Variants in PIK3C2G observed in about 807,000 individuals in gnomAD.
PIK3C2G encodes the protein phosphatidylinositol-4-phosphate 3-kinase catalytic subunit type 2 gamma, also known as phosphatidylinositol 3-kinase C2 domain-containing subunit gamma.
A neutral mutation model predicts 181.1 loss-of-function variants in PIK3C2G; 168 were observed. The observed-to-expected ratio is 0.93, with a 90% CI of 0.82 to 1.05. PIK3C2G has a LOEUF of 1.05. PIK3C2G is among the 50% of genes least tolerant of loss of function. PIK3C2G has a pLI of 0.00. For synonymous variants in PIK3C2G, 573 were observed against 592.2 expected (o/e 0.97, Z 0.47); for missense variants, 1,869 against 1,732.8 (o/e 1.08, Z -1.40).
intron 8 of PIK3C2G, 55 bp downstream of exon 8, chr12:18,325,153 A>G (rs978329825): frequency 6.1e-6 from 6 of 986,116 alleles, no homozygotes; most frequent in Non-Finnish European, 9.3e-6. Flanking sequence ...TAACGCATCT[A>G]CTATTTTTCT....
intron 23 of PIK3C2G, among the ~76,000 whole-genome samples, chr12:18,503,938 G>T (rs939681917): frequency 1.4e-4 from 22 of 152,150 alleles, no homozygotes; most frequent in Admixed American, 7.9e-4. Context: ...CAGTTGTGCA[G>T]GTTCTGCCCT....
intron 18 of PIK3C2G, among the ~76,000 whole-genome samples, chr12:18,459,777 C>T (rs1023538320): frequency 6.6e-6 from 1 of 152,104 alleles, no homozygotes; most frequent in African/African-American, 2.4e-5. Flanking sequence ...CCCTCTGAAA[C>T]TAAGACTAGA....
chr12:18,620,521 G>GACAA (rs1207519253), intron 31 of PIK3C2G, among the ~76,000 whole-genome samples: 10 of 138,052 alleles, frequency 7.2e-5, no homozygotes, highest in Non-Finnish European at 1.6e-4. Context: ...TAAATGATTA[G>GACAA]ACAGACAGAT....
chr12:18,678,498 A>G, the PIK3C2G span, among the ~76,000 whole-genome samples: 1 of 151,974 alleles, frequency 6.6e-6, no homozygotes, highest in African/African-American at 2.4e-5. Context: ...GGCTCCTTTT[A>G]ATCCATCCCT....
intron 1 of PIK3C2G, among the ~76,000 whole-genome samples, 165 bp downstream of exon 1, chr12:18,261,742 T>C (rs1457710527): frequency 2.6e-5 from 4 of 152,174 alleles, no homozygotes; most frequent in Non-Finnish European, 5.9e-5. Context: ...GAAACAGAGA[T>C]ATCCAGCTTG....
intron 9 of PIK3C2G, among the ~76,000 whole-genome samples, chr12:18,340,252 A>T (rs1444559021): frequency 6.6e-6 from 1 of 152,142 alleles, no homozygotes; most frequent in Non-Finnish European, 1.5e-5. Flanking sequence ...GGCCACACAT[A>T]AAATACACTA....
chr12:18,418,174 G>A (rs1218262581), intron 16 of PIK3C2G, among the ~76,000 whole-genome samples: 1 of 152,148 alleles, frequency 6.6e-6, no homozygotes, highest in African/African-American at 2.4e-5. Context: ...TATGTAAAAA[G>A]ATAAATTCTA....
chr12:18,656,470 G>A, the PIK3C2G span, among the ~76,000 whole-genome samples: 16 of 152,118 alleles, frequency 1.1e-4, no homozygotes, highest in Admixed American at 8.5e-4. Flanking sequence ...GAAGGCTGAG[G>A]CAGAGAATTG....
At chr12:18,490,484 C>CT (rs1205038765) in intron 19 of PIK3C2G, among the ~76,000 whole-genome samples, 2 of 152,090 alleles carry the variant, frequency 1.3e-5, no homozygotes, top group African/African-American at 4.8e-5. Flanking sequence ...TACTCTAACA[C>CT]TTTTTTTGTA....
chr12:18,266,024 A>AAAAAC, intron 1 of PIK3C2G, among the ~76,000 whole-genome samples: 1 of 150,664 alleles, frequency 6.6e-6, no homozygotes, highest in Admixed American at 6.6e-5. Context: ...AAAAAAAAAA[A>AAAAAC]AAAAAAAAAA....
chr12:18,337,304 A>C (rs1938626752), intron 8 of PIK3C2G, among the ~76,000 whole-genome samples: 1 of 152,152 alleles, frequency 6.6e-6, no homozygotes, highest in African/African-American at 2.4e-5. Flanking sequence ...GAACATGTGT[A>C]AATCTGAGAT....
chr12:18,721,514 C>T, the PIK3C2G span, among the ~76,000 whole-genome samples: 1 of 151,962 alleles, frequency 6.6e-6, no homozygotes, highest in African/African-American at 2.4e-5. Flanking sequence ...GTCACTGCCT[C>T]CATCCCAACA....
intron 1 of PIK3C2G, among the ~76,000 whole-genome samples, chr12:18,256,368 T>C (rs1948146272): frequency 6.6e-6 from 1 of 152,134 alleles, no homozygotes; most frequent in Non-Finnish European, 1.5e-5. Context: ...GCACGCAGAC[T>C]ATCTTCTTTT....
At chr12:18,576,400 A>G (rs1946234611) in intron 29 of PIK3C2G, among the ~76,000 whole-genome samples, 1 of 152,192 alleles carries the variant, frequency 6.6e-6, no homozygotes, top group African/African-American at 2.4e-5. Context: ...TGTGCCCTCC[A>G]GAAAGATCAC....
chr12:18,480,004 A>C (rs1192795918), intron 18 of PIK3C2G, among the ~76,000 whole-genome samples: 1 of 152,140 alleles, frequency 6.6e-6, no homozygotes, highest in African/African-American at 2.4e-5. Flanking sequence ...GACAAGGACT[A>C]TTTGGAAGCC....
intron 6 of PIK3C2G, among the ~76,000 whole-genome samples, chr12:18,318,117 C>T (rs1270603148): frequency 6.6e-6 from 1 of 152,074 alleles, no homozygotes; most frequent in Non-Finnish European, 1.5e-5. Flanking sequence ...TGTGTTATGT[C>T]AAAACAGTAT....
chr12:18,325,198 ATAAAACAGAG>A, intron 8 of PIK3C2G, 100 bp downstream of exon 8: 1 of 611,516 alleles, frequency 1.6e-6, no homozygotes, highest in Non-Finnish European at 2.9e-6. Flanking sequence ...ACAAAAATGA[ATAAAACAGAG>A]GATCTACACT....
At chr12:18,288,764 T>C (rs1949561467) in intron 3 of PIK3C2G, among the ~76,000 whole-genome samples, 1 of 152,172 alleles carries the variant, frequency 6.6e-6, no homozygotes, top group African/African-American at 2.4e-5. Flanking sequence ...ATAACTCTAC[T>C]CACAGACCAC....
At chr12:18,568,039 C>T (rs1007484737) in intron 29 of PIK3C2G, among the ~76,000 whole-genome samples, 1 of 152,118 alleles carries the variant, frequency 6.6e-6, no homozygotes, top group African/African-American at 2.4e-5. Context: ...GACCCTCCTG[C>T]CTCCCTCTCA....
Sources: allele counts gnomAD v4.1 joint callset (sites outside exome capture counted in the v4.1 genomes callset), GRCh38; gene constraint gnomAD v4.1.1; transcripts MANE v1.5; gene names NCBI Gene and HGNC (gene_info 2026-07-23, HGNC 2026-07-21).